Variants in EAF2 observed in about 807,000 individuals in gnomAD.
EAF2 encodes the protein ELL-associated factor 2.
In EAF2, 29 loss-of-function variants were observed where a neutral mutation model predicts 29.4. That is an observed-to-expected ratio of 0.99 (90% CI 0.73 to 1.35). The LOEUF (loss-of-function observed/expected upper bound fraction) is 1.35. EAF2 is among the 40% of genes most tolerant of loss of function. The pLI, the probability that EAF2 is intolerant of heterozygous loss-of-function variation, is 0.00. For missense variants in EAF2, 292 were observed against 312.0 expected, an observed-to-expected ratio of 0.94 and a Z score of 0.48; for synonymous variants, 103 against 102.5, an observed-to-expected ratio of 1.00 and a Z score of -0.03.
chr3:121,839,265 C>T (rs1289024593), intron 1 of EAF2, among the ~76,000 whole-genome samples: 2 of 152,112 alleles, frequency 1.3e-5, no homozygotes, highest in Non-Finnish European at 2.9e-5. Flanking sequence ...CAACATTGAT[C>T]CCATATCTTC....
At chr3:121,835,455 C>A in intron 1 of EAF2, 64 bp downstream of exon 1, 14 of 1,448,798 alleles carry the variant, frequency 9.7e-6, no homozygotes, top group East Asian at 2.3e-5. Context: ...GAGGCACAAA[C>A]CCCTCTGGGT....
At chr3:121,860,868 G>A (rs1708816037) in intron 4 of EAF2, among the ~76,000 whole-genome samples, 1 of 152,258 alleles carries the variant, frequency 6.6e-6, no homozygotes, top group African/African-American at 2.4e-5. Flanking sequence ...CTGGTATGTT[G>A]TGTCTTTGTT....
chr3:121,846,919 A>C (rs563401761), intron 2 of EAF2, among the ~76,000 whole-genome samples: 11 of 152,158 alleles, frequency 7.2e-5, no homozygotes, highest in Non-Finnish European at 1.3e-4. Context: ...AATATGTCTT[A>C]AAGGAAGCAC....
intron 2 of EAF2, among the ~76,000 whole-genome samples, chr3:121,852,310 G>C (rs1708647601): frequency 6.6e-6 from 1 of 152,082 alleles, no homozygotes; most frequent in African/African-American, 2.4e-5. Flanking sequence ...GGAGTCCTTA[G>C]GTAACTATTT....
Position 121,857,272 on chromosome 3 carries a change from T to C in EAF2, c.484+116T>C, listed in dbSNP as rs935050077. ...ACTTTAGGAGGCCGAGGCAGGCGGA[T>C]CATGAGGTCAGTAGTTCAACACCAG... On this transcript the variant is annotated intron_variant, in intron 4 of 5. Transcript: ENST00000273668. The C allele has an allele frequency of 4.9e-6, 4 of 814,690 alleles. No homozygotes were observed. In the African/African-American group the frequency reaches 7.1e-5, roughly 14 times the overall value. The allele number at this position is 814,690 out of a possible 1,614,324, so 50.5% of individuals were successfully genotyped here. A position where few individuals can be genotyped will look rare whatever the true frequency, so the allele number is the denominator to read the frequency against.
At chr3:121,870,976 G>A (rs1709001081) in intron 4 of EAF2, among the ~76,000 whole-genome samples, 1 of 151,986 alleles carries the variant, frequency 6.6e-6, no homozygotes, top group Admixed American at 6.6e-5. Context: ...TGAAAACTGG[G>A]AGTTTTTAAT....
intron 4 of EAF2, among the ~76,000 whole-genome samples, chr3:121,869,282 A>C (rs975319048): frequency 3.4e-4 from 51 of 152,228 alleles, no homozygotes; most frequent in African/African-American, 1.2e-3. Flanking sequence ...CATATTAATT[A>C]ATTTAAGTCC....
chr3:121,867,000 A>G (rs976120637), intron 4 of EAF2, among the ~76,000 whole-genome samples: 1 of 152,222 alleles, frequency 6.6e-6, no homozygotes, highest in Non-Finnish European at 1.5e-5. Flanking sequence ...TGGAAATTAT[A>G]GAACTGACAA....
chr3:121,869,801 A>G (rs1332159262), intron 4 of EAF2, among the ~76,000 whole-genome samples: 1 of 151,986 alleles, frequency 6.6e-6, no homozygotes, highest in Non-Finnish European at 1.5e-5. Flanking sequence ...AGGTGAGTGG[A>G]TTGCTTGAGC....
intron 4 of EAF2, among the ~76,000 whole-genome samples, chr3:121,865,082 G>A (rs370985038): frequency 6.6e-6 from 1 of 152,060 alleles, no homozygotes; most frequent in East Asian, 1.9e-4. Context: ...CTTAATAAAA[G>A]CATTGTATCA....
rs112286906 is a variant in EAF2, at chr3:121,848,037, T to A, written c.201+3490T>A. Among the ~76,000 whole-genome samples the A allele has an allele frequency of 9.2e-5, 14 of 152,328 alleles. 1 individual carries two copies. The highest frequency in any genetic ancestry group is 4.1e-4 in the South Asian group (2 of 4,828). On this transcript the variant is annotated intron_variant, in intron 2 of 5. Transcript: ENST00000273668. Reference sequence around the variant, plus strand: ...GTTTTTACTAAAGTGCCTGTGTTCATTGTGGACAAAGTTCATTATTTTGCA... The same window carrying A: ...GTTTTTACTAAAGTGCCTGTGTTCAATGTGGACAAAGTTCATTATTTTGCA...
chr3:121,862,506 G>C (rs150989249), intron 4 of EAF2, among the ~76,000 whole-genome samples: 42 of 152,256 alleles, frequency 2.8e-4, no homozygotes, highest in African/African-American at 9.4e-4. Flanking sequence ...CTCGTGCCAC[G>C]GTTTTCAGCT....
At chr3:121,846,618 A>G (rs2107504965) in intron 2 of EAF2, among the ~76,000 whole-genome samples, 1 of 152,276 alleles carries the variant, frequency 6.6e-6, no homozygotes, top group South Asian at 2.1e-4. Flanking sequence ...CAAAAAACAA[A>G]CAAACAACAA....
At chr3:121,877,008 GAGAT>G (rs145412337) in intron 5 of EAF2, among the ~76,000 whole-genome samples, 5,315 of 151,516 alleles carry the variant, frequency 0.035, 322 homozygotes, top group African/African-American at 0.12. Context: ...GGAAAATAAA[GAGAT>G]AGAAAAAAAG....
chr3:121,857,745 C>T (rs1042493155), intron 4 of EAF2, among the ~76,000 whole-genome samples: 1 of 152,092 alleles, frequency 6.6e-6, no homozygotes, highest in African/African-American at 2.4e-5. Flanking sequence ...CATATGTATA[C>T]ATGTGGCATG....
intron 1 of EAF2, among the ~76,000 whole-genome samples, chr3:121,843,196 G>A (rs1324773523): frequency 6.6e-6 from 1 of 152,156 alleles, no homozygotes; most frequent in African/African-American, 2.4e-5. Context: ...TAAGCATGGT[G>A]CCTGGCATGT....
chr3:121,880,510 AATGCTGCTTTCTTGAT>A (rs1709176867), intron 5 of EAF2, among the ~76,000 whole-genome samples: 1 of 148,548 alleles, frequency 6.7e-6, no homozygotes, highest in African/African-American at 2.5e-5. Context: ...TATAAATGGG[AATGCTGCTTTCTTGAT>A]TTCTTCTTGT....
chr3:121,842,062 T>A (rs1479582066), intron 1 of EAF2, among the ~76,000 whole-genome samples: 2 of 152,050 alleles, frequency 1.3e-5, no homozygotes, highest in Non-Finnish European at 2.9e-5. Context: ...CATGTGCCTG[T>A]AATCCCAGCT....
chr3:121,838,112 T>G (rs1187482134), intron 1 of EAF2, among the ~76,000 whole-genome samples: 1 of 152,162 alleles, frequency 6.6e-6, no homozygotes, highest in African/African-American at 2.4e-5. Flanking sequence ...TTATGTGATG[T>G]TACAGTTAAA....
Sources: gnomAD v4.1 joint callset for allele counts (sites outside exome capture counted in the v4.1 genomes callset) on GRCh38, gnomAD v4.1.1 for gene constraint, MANE v1.5 for transcripts, NCBI Gene and HGNC (gene_info 2026-07-23, HGNC 2026-07-21) for gene names.